Variants in CLCNKB observed in about 807,000 individuals in gnomAD.
The protein encoded by CLCNKB is chloride voltage-gated channel Kb.
A neutral mutation model predicts 83.8 loss-of-function variants in CLCNKB; 74 were observed. The ratio of observed to expected loss-of-function variants is 0.88; its 90% CI spans 0.73 to 1.07. The LOEUF (loss-of-function observed/expected upper bound fraction) is 1.07, where lower values mean the gene tolerates loss of function less well. Among genes scored for constraint, CLCNKB ranks in the 50% least tolerant of loss-of-function variants. CLCNKB has a pLI of 0.00. For synonymous variants in CLCNKB, 358 were observed against 356.6 expected, an observed-to-expected ratio of 1.00 and a Z score of -0.04; for missense variants, 798 against 893.6, an observed-to-expected ratio of 0.89 and a Z score of 1.36.
At position 16,045,629 on chromosome 1, in the gene CLCNKB, G is replaced by T. The variant is rs144043939; in HGVS notation, c.172G>T (p.Val58Leu). Residue 58 changes from valine (V) to leucine (L), a missense_variant, in exon 3 of 20, where the codon GTG becomes TTG. By Grantham distance (32) the Val-to-Leu change is conservative (BLOSUM62 1). Transcript: ENST00000375679. ...EDWYFLMTLGVLMALVSCAMD... is the reference protein window; with the variant it reads ...EDWYFLMTLGLLMALVSCAMD... ...CTGGTACTTCCTGATGACCCTCGGG[G>T]TGCTCATGGCCCTGGTCAGCTGTGC... 420 of 1,614,002 alleles carry T rather than the reference G, an allele frequency of 2.6e-4. 7 individuals are homozygous for T. The highest frequency in any genetic ancestry group is 1.3e-4 in the Non-Finnish European group (148 of 1,179,984).
chr1:16,055,827 A>C, intron 18 of CLCNKB, 69 bp downstream of exon 18: 104 of 1,463,984 alleles, frequency 7.1e-5, no homozygotes, highest in Non-Finnish European at 9.0e-5. Context: ...TGAGGAGCTC[A>C]CGCTCCAGCC....
Position 16,046,546 on chromosome 1 carries a change from C to T in CLCNKB, c.241C>T (p.Leu81=). 1 of 1,614,036 alleles carries T rather than the reference C, an allele frequency of 6.2e-7. No homozygotes were observed. The highest frequency in any genetic ancestry group is 8.5e-7 in the Non-Finnish European group (1 of 1,180,014). ...CCGGCTGTCCCCAGCGCACCAGTGGCTGTACAGGGAGATTGGGGACAGCCA... is the reference window on the plus strand; with the variant it reads ...CCGGCTGTCCCCAGCGCACCAGTGGTTGTACAGGGAGATTGGGGACAGCCA... ...VESVVRAHQW[L]YREIGDSHLL... Residue 81 remains leucine, a synonymous_variant, in exon 4 of 20, where the codon CTG becomes TTG. Transcript: ENST00000375679.
intron 14 of CLCNKB, 36 bp downstream of exon 14, chr1:16,051,856 C>T (rs377270519): frequency 7.1e-6 from 11 of 1,545,350 alleles, no homozygotes; most frequent in Middle Eastern, 1.7e-4. Flanking sequence ...TGGGCAATGT[C>T]GTGCGGCTGG....
rs1248416175 is a variant in CLCNKB at position 16,048,575 on chromosome 1, C to T, written c.648C>T (p.Pro216=). The change falls in exon 7 of 20, where the codon CCC becomes CCT. Residue 216 remains proline, a synonymous_variant. Transcript: ENST00000375679. ...GCGTGGCCACAGTCTTTGCAGCTCC[C>T]TTCAGCGGTGAGACCCCTTCATGCC... ...AVGVATVFAA[P]FSGVLFSIEV... 1 of 1,613,144 alleles carries T rather than the reference C, an allele frequency of 6.2e-7. No homozygotes were observed. Among genetic ancestry groups the T allele is most frequent in the Non-Finnish European group, 8.5e-7 (1 of 1,179,610 alleles).
chr1:16,044,758 T>C (rs774622318), intron 2 of CLCNKB, among the ~76,000 whole-genome samples, 166 bp downstream of exon 2: 1 of 152,210 alleles, frequency 6.6e-6, no homozygotes, highest in Non-Finnish European at 1.5e-5. Flanking sequence ...GGGGTCTGTC[T>C]GTCCAGCTGT....
intron 12 of CLCNKB, 104 bp from the exon 13 acceptor site, chr1:16,051,374 C>G (rs899760969): frequency 1.8e-5 from 26 of 1,435,474 alleles, no homozygotes; most frequent in Admixed American, 5.0e-5. Context: ...TGGCCGGCAC[C>G]CTCTTTCTCT....
chr1:16,055,152 G>C (rs1481803752), intron 16 of CLCNKB, among the ~76,000 whole-genome samples: 1 of 152,114 alleles, frequency 6.6e-6, no homozygotes, highest in Admixed American at 6.5e-5. Flanking sequence ...CCTGTCTTGA[G>C]GCCTTGCAAT....
chr1:16,056,636 G>T (rs570908913), intron 19 of CLCNKB, 128 bp downstream of exon 19: 63 of 1,126,952 alleles, frequency 5.6e-5, no homozygotes, highest in African/African-American at 7.7e-5. Flanking sequence ...AGAGGATACT[G>T]ATGAGTCCCT....
chr1:16,047,731 T>C (rs1003018415), intron 4 of CLCNKB, among the ~76,000 whole-genome samples, 174 bp from the exon 5 acceptor site: 1 of 152,200 alleles, frequency 6.6e-6, no homozygotes, highest in African/African-American at 2.4e-5. Context: ...ATCCTACCAC[T>C]GTACTCCAGC....
Position 16,050,546 on chromosome 1 carries a change from G to A in CLCNKB, c.999G>A (p.Leu333=). The part of the protein sequence containing the change: ...SKPVYSALAT[L]VLASITYPPS... ...CTGTGTACTCCGCTCTGGCCACCTTGGTTCTCGCCTCCATCACCTACCCAC... is the reference window on the plus strand; with the variant it reads ...CTGTGTACTCCGCTCTGGCCACCTTAGTTCTCGCCTCCATCACCTACCCAC... Residue 333 remains leucine, a synonymous_variant, in exon 11 of 20, where the codon TTG becomes TTA. Coordinates refer to ENST00000375679, the MANE Select transcript of CLCNKB (RefSeq NM_000085.5). 6.2e-7 allele frequency: 1 copy of A among 1,614,100 alleles called. No individual in the cohort carries two copies. Among genetic ancestry groups the A allele is most frequent in the Non-Finnish European group, 8.5e-7 (1 of 1,180,008 alleles).
intron 7 of CLCNKB, chr1:16,048,785 G>C (rs2023185885): frequency 6.9e-7 from 1 of 1,456,856 alleles, no homozygotes; most frequent in Admixed American, 2.8e-5. Context: ...AGAGGCTTCA[G>C]TGTAACATTA....
intron 15 of CLCNKB, among the ~76,000 whole-genome samples, chr1:16,053,304 A>G (rs908522983): frequency 6.6e-6 from 1 of 152,300 alleles, no homozygotes; most frequent in East Asian, 1.9e-4. Flanking sequence ...CTGGGATTAC[A>G]GGCGTGAGCC....
Position 16,049,993 on chromosome 1 carries a change from T to A in CLCNKB, c.968+77T>A, listed in dbSNP as rs553717185. Reference sequence around the variant, plus strand: ...GTACTCCCAACCTTATGTAGAAAGCTCTACCCGCCACCTGAGCCCCTAAAG... The same window carrying A: ...GTACTCCCAACCTTATGTAGAAAGCACTACCCGCCACCTGAGCCCCTAAAG... On this transcript the variant is annotated intron_variant, in intron 10 of 19. Coordinates refer to ENST00000375679, the MANE Select transcript of CLCNKB (RefSeq NM_000085.5). 31 of 983,346 alleles carry A rather than the reference T, an allele frequency of 3.2e-5. 1 individual carries two copies. The Admixed American group carries it at 6.1e-4, about 19-fold the overall frequency. 60.9% of individuals were successfully genotyped at this position (983,346 alleles called of 1,614,324 possible). A position where few individuals can be genotyped will look rare whatever the true frequency, so the allele number is the denominator to read the frequency against.
chr1:16,044,563 C>T lies in CLCNKB; in HGVS notation c.71C>T (p.Pro24Leu), dbSNP rs387907412. 4 of 1,605,496 alleles carry T rather than the reference C, an allele frequency of 2.5e-6. No homozygotes were observed. Among genetic ancestry groups the T allele is most frequent in the Non-Finnish European group, 3.4e-6 (4 of 1,176,826 alleles). ...GTGACTCTGCAGGAGCTGTGGGGCC[C>T]CTGTCCCCGCATCCGCCGAGGCATC... The part of the protein sequence containing the change: ...NPVTLQELWG[P>L]CPRIRRGIRG... The change falls in exon 2 of 20, where the codon CCC becomes CTC. Residue 24 changes from proline to leucine, a missense_variant. Coordinates refer to ENST00000375679, the MANE Select transcript of CLCNKB (RefSeq NM_000085.5).
rs150408707 is a variant in CLCNKB at position 16,056,901 on chromosome 1, G to A, written c.2049G>A (p.Pro683=). Residue 683 remains proline (P), a synonymous_variant, in exon 20 of 20, where the codon CCG becomes CCA. Coordinates refer to ENST00000375679, the MANE Select transcript of CLCNKB (RefSeq NM_000085.5). The part of the protein sequence containing the change: ...MKKAISNLTN[P]PAPK The stretch of plus-strand genomic sequence containing the variant: ...AAGCAATTTCCAACCTGACAAATCC[G>A]CCAGCCCCAAAGTGAGCCGGCCCAG... The A allele has an allele frequency of 7.8e-5, 121 of 1,557,416 alleles. 1 individual carries two copies. Among genetic ancestry groups the A allele is most frequent in the South Asian group, 5.0e-4 (45 of 89,854 alleles).
chr1:16,044,264 C>T (rs1418950152), intron 1 of CLCNKB, among the ~76,000 whole-genome samples: 7 of 152,008 alleles, frequency 4.6e-5, no homozygotes, highest in African/African-American at 1.5e-4. Context: ...AATCCCACCC[C>T]CATCCCACAC....
chr1:16,048,609 T>C (rs1306751085), intron 7 of CLCNKB, 27 bp downstream of exon 7: 1 of 1,612,308 alleles, frequency 6.2e-7, no homozygotes, highest in African/African-American at 1.3e-5. Context: ...CCCCGCCCCC[T>C]GGGTCCCTCA....
chr1:16,052,275 G>A lies in CLCNKB; in HGVS notation c.1486G>A (p.Val496Met), dbSNP rs752951705. 2.5e-6 allele frequency: 4 copies of A among 1,613,244 alleles called. No homozygotes were observed. Among genetic ancestry groups the A allele is most frequent in the African/African-American group, 1.3e-5 (1 of 74,926 alleles). ...GGCCTTCGAGGTGACCGGCCAGATA[G>A]TGCATGCACTGCCCGTGCTGATGGC... is the stretch of plus-strand genomic sequence containing the variant. ...LLAFEVTGQI[V>M]HALPVLMAVL... The change falls in exon 15 of 20, where the codon GTG (valine) becomes ATG (methionine). Residue 496 changes from valine (V) to methionine (M), a missense_variant. Physicochemically the swap from Val to Met is conservative, Grantham distance 21 (BLOSUM62 1). Coordinates refer to ENST00000375679, the MANE Select transcript of CLCNKB (RefSeq NM_000085.5).
Position 16,044,609 on chromosome 1 carries a change from C to G in CLCNKB, c.100+17C>G. ...GCATCCGAGGTGAGAGCCAGGTCCT[C>G]TTCCCTTCCCCCTGGAGGACCACTC... is the stretch of plus-strand genomic sequence containing the variant. On this transcript the variant is annotated intron_variant, in intron 2 of 19. Transcript: ENST00000375679. The G allele has an allele frequency of 6.3e-7, 1 of 1,578,428 alleles. No individual in the cohort carries two copies. The highest frequency in any genetic ancestry group is 8.6e-7 in the Non-Finnish European group (1 of 1,160,414).
Sources: gnomAD v4.1 joint callset for allele counts (sites outside exome capture counted in the v4.1 genomes callset) on GRCh38, gnomAD v4.1.1 for gene constraint, MANE v1.5 for transcripts, NCBI Gene and HGNC (gene_info 2026-07-23, HGNC 2026-07-21) for gene names.